Variants in CADM2 observed in about 807,000 individuals in gnomAD.
CADM2 encodes the protein cell adhesion molecule 2, also known as immunoglobulin superfamily member 4D.
CADM2 carries 12 observed loss-of-function variants against 49.8 expected under a neutral mutation model. That is an observed-to-expected ratio of 0.24 (90% CI 0.15 to 0.39). CADM2 has a LOEUF of 0.39. Among genes scored for constraint, CADM2 ranks in the 10% least tolerant of loss-of-function variants. The pLI, the probability that CADM2 is intolerant of heterozygous loss-of-function variation, is 1.00. For missense variants in CADM2, 378 were observed against 492.3 expected (o/e 0.77, Z 2.20); for synonymous variants, 214 against 175.4 (o/e 1.22, Z -1.74).
intron 1 of CADM2, among the ~76,000 whole-genome samples, chr3:85,292,106 A>T (rs1439094184): frequency 6.7e-6 from 1 of 148,922 alleles, no homozygotes; most frequent in African/African-American, 2.5e-5. Context: ...CTACCAAGCA[A>T]ATGGAAAACA....
intron 3 of CADM2, among the ~76,000 whole-genome samples, chr3:85,844,729 TACAC>T (rs1286713257): frequency 6.6e-6 from 1 of 152,156 alleles, no homozygotes; most frequent in Non-Finnish European, 1.5e-5. Context: ...ATATTAATAA[TACAC>T]ACATGTATAC....
chr3:85,600,179 TTA>T (rs2063351145), intron 1 of CADM2, among the ~76,000 whole-genome samples: 1 of 151,930 alleles, frequency 6.6e-6, no homozygotes, highest in East Asian at 1.9e-4. Flanking sequence ...TTAAGCATTT[TTA>T]TATGTTTGAA....
intron 1 of CADM2, among the ~76,000 whole-genome samples, chr3:85,136,682 G>A (rs7645046): frequency 0.1 from 15,859 of 151,756 alleles, 1,787 homozygotes; most frequent in African/African-American, 0.28. Context: ...TCTTAAGCAA[G>A]TTACTTAAGA....
At chr3:85,836,024 T>C (rs1441302153) in intron 3 of CADM2, among the ~76,000 whole-genome samples, 1 of 151,494 alleles carries the variant, frequency 6.6e-6, no homozygotes, top group Non-Finnish European at 1.5e-5. Flanking sequence ...ATTTTAAATG[T>C]CATAATTGCC....
intron 1 of CADM2, among the ~76,000 whole-genome samples, chr3:85,386,988 A>G (rs2034265366): frequency 6.6e-6 from 1 of 152,126 alleles, no homozygotes; most frequent in African/African-American, 2.4e-5. Context: ...CATATAAACA[A>G]TAGCAGTTCC....
chr3:85,923,692 A>G (rs1299307272), intron 6 of CADM2, among the ~76,000 whole-genome samples: 1 of 152,206 alleles, frequency 6.6e-6, no homozygotes, highest in Non-Finnish European at 1.5e-5. Flanking sequence ...GTGATGATTT[A>G]TATCACTTGC....
chr3:84,990,915 G>C (rs1218801025), intron 1 of CADM2, among the ~76,000 whole-genome samples: 1 of 151,890 alleles, frequency 6.6e-6, no homozygotes, highest in East Asian at 1.9e-4. Flanking sequence ...TTTTTTTCTT[G>C]TTTTATTTGA....
At chr3:85,990,744 A>T (rs958679611) in intron 8 of CADM2, among the ~76,000 whole-genome samples, 3 of 152,200 alleles carry the variant, frequency 2.0e-5, no homozygotes, top group African/African-American at 7.2e-5. Context: ...TTCTTTTGTG[A>T]ATATCAATGA....
chr3:84,959,782 A>G (rs1197263830), intron 1 of CADM2, 114 bp downstream of exon 1: 1 of 933,566 alleles, frequency 1.1e-6, no homozygotes, highest in Non-Finnish European at 1.6e-6. Flanking sequence ...AGCGATTTCC[A>G]CCCCCTCCCC....
intron 1 of CADM2, among the ~76,000 whole-genome samples, chr3:85,500,991 C>T (rs1478534176): frequency 6.6e-6 from 1 of 152,032 alleles, no homozygotes; most frequent in African/African-American, 2.4e-5. Context: ...TATGTGAAAA[C>T]ATAGCCAAAG....
At chr3:85,752,763 G>A (rs2068922736) in intron 2 of CADM2, among the ~76,000 whole-genome samples, 1 of 151,824 alleles carries the variant, frequency 6.6e-6, no homozygotes, top group South Asian at 2.1e-4. Context: ...TTTTCTGCAA[G>A]TAAATACAAA....
chr3:85,363,643 G>A (rs770856899), intron 1 of CADM2, among the ~76,000 whole-genome samples: 19 of 152,034 alleles, frequency 1.2e-4, no homozygotes, highest in Non-Finnish European at 2.5e-4. Flanking sequence ...ACGGAGTCTC[G>A]CTGTATGGCC....
At chr3:85,891,385 A>C (rs996020988) in intron 5 of CADM2, among the ~76,000 whole-genome samples, 4 of 152,232 alleles carry the variant, frequency 2.6e-5, no homozygotes, top group African/African-American at 9.6e-5. Flanking sequence ...TTAATGCATT[A>C]GGCAGCATTC....
intron 1 of CADM2, among the ~76,000 whole-genome samples, chr3:85,608,486 T>A (rs1269723975): frequency 1.3e-5 from 2 of 152,170 alleles, no homozygotes; most frequent in Admixed American, 1.3e-4. Flanking sequence ...ATTACCTGGC[T>A]TTTGAAACTC....
At chr3:85,824,456 T>C (rs1159483125) in intron 3 of CADM2, among the ~76,000 whole-genome samples, 1 of 151,602 alleles carries the variant, frequency 6.6e-6, no homozygotes, top group Non-Finnish European at 1.5e-5. Context: ...GTGCACAAAG[T>C]GCTGTGAAAG....
chr3:85,477,269 CACAT>C (rs1336381147), intron 1 of CADM2, among the ~76,000 whole-genome samples: 1,577 of 150,426 alleles, frequency 0.01, 33 homozygotes, highest in African/African-American at 0.036. Context: ...CACACACACA[CACAT>C]ACAGACACGT....
intron 1 of CADM2, among the ~76,000 whole-genome samples, chr3:85,598,758 A>G (rs922602602): frequency 2.0e-5 from 3 of 151,924 alleles, no homozygotes; most frequent in Non-Finnish European, 4.4e-5. Flanking sequence ...TTTACATTCT[A>G]GTAATTATTG....
At chr3:85,786,883 T>G (rs952755667) in intron 2 of CADM2, among the ~76,000 whole-genome samples, 5 of 152,094 alleles carry the variant, frequency 3.3e-5, no homozygotes, top group African/African-American at 1.2e-4. Context: ...AAGGAGAAGT[T>G]GTATTTATAA....
chr3:86,027,695 A>C (rs1309572975), intron 8 of CADM2, among the ~76,000 whole-genome samples: 1 of 152,176 alleles, frequency 6.6e-6, no homozygotes, highest in Non-Finnish European at 1.5e-5. Flanking sequence ...TAAATGTAGA[A>C]TAGAAATATA....
Sources: gnomAD v4.1 joint callset for allele counts (sites outside exome capture counted in the v4.1 genomes callset) on GRCh38, gnomAD v4.1.1 for gene constraint, MANE v1.5 for transcripts, NCBI Gene and HGNC (gene_info 2026-07-23, HGNC 2026-07-21) for gene names.